The following AP2A2 variants were observed in gnomAD, a reference collection of about 807,000 sequenced individuals.
AP2A2 encodes AP-2 complex subunit alpha-2.
A neutral mutation model predicts 104.2 loss-of-function variants in AP2A2; 32 were observed. The observed-to-expected ratio is 0.31, with a 90% CI of 0.23 to 0.41. The LOEUF is 0.41. AP2A2 is among the 10% of genes least tolerant of loss of function. The pLI is 1.00. For missense variants in AP2A2, 912 were observed against 1,261.0 expected, an observed-to-expected ratio of 0.72 and a Z score of 4.19; for synonymous variants, 539 against 533.3, an observed-to-expected ratio of 1.01 and a Z score of -0.15.
At chr11:954,725 G>GTA (rs1013534728) in intron 1 of AP2A2, among the ~76,000 whole-genome samples, 4 of 151,544 alleles carry the variant, frequency 2.6e-5, no homozygotes, top group African/African-American at 9.7e-5. Flanking sequence ...TGTATTTGGT[G>GTA]TGTGTGTGTG....
intron 5 of AP2A2, among the ~76,000 whole-genome samples, chr11:979,099 C>G (rs1855152894): frequency 6.6e-6 from 1 of 151,904 alleles, no homozygotes; most frequent in African/African-American, 2.4e-5. Context: ...CCAGCTGCCA[C>G]CACAGGGGTG....
intron 16 of AP2A2, among the ~76,000 whole-genome samples, chr11:1,005,008 TG>T (rs1282601578): frequency 6.6e-6 from 1 of 152,156 alleles, no homozygotes; most frequent in Non-Finnish European, 1.5e-5. Context: ...AATTGAAAGC[TG>T]GGTCTTAAAG....
intron 2 of AP2A2, among the ~76,000 whole-genome samples, chr11:969,359 A>C (rs2134615086): frequency 6.7e-6 from 1 of 150,078 alleles, no homozygotes; most frequent in South Asian, 2.1e-4. Flanking sequence ...CCTCCCGAGT[A>C]GCTGGGATTA....
rs115017756 is a variant in AP2A2 at position 991,638 on chromosome 11, A to G, written c.1270-865A>G. Among the ~76,000 whole-genome samples the G allele has an allele frequency of 7.7e-3, 1,130 of 146,644 alleles. 14 individuals are homozygous for G. Among genetic ancestry groups the G allele is most frequent in the African/African-American group, 0.026 (1,030 of 39,948 alleles). ...GGGCTCAGAGGCAGTACATTTTGGA[A>G]TGATGCCCTGGAAGTGTCACGGAGT... On this transcript the variant is annotated intron_variant, in intron 10 of 21. Coordinates refer to ENST00000448903, the MANE Select transcript of AP2A2 (RefSeq NM_012305.4).
At chr11:966,969 C>T (rs958618208) in intron 2 of AP2A2, among the ~76,000 whole-genome samples, 35 of 152,134 alleles carry the variant, frequency 2.3e-4, no homozygotes, top group African/African-American at 8.2e-4. Context: ...GAGTTTGAGA[C>T]CAGCCTGGCC....
chr11:940,659 A>G (rs764266569), intron 1 of AP2A2: 2 of 364,014 alleles, frequency 5.5e-6, no homozygotes, highest in Non-Finnish European at 1.1e-5. Context: ...CCTTCTGTGC[A>G]TTGTCTCATT....
chr11:949,502 A>G (rs986213447), intron 1 of AP2A2, among the ~76,000 whole-genome samples: 1 of 151,870 alleles, frequency 6.6e-6, no homozygotes, highest in African/African-American at 2.4e-5. Context: ...ACAGGCCGGG[A>G]GTGGTGGCTC....
At chr11:965,600 G>T (rs1854587623) in intron 2 of AP2A2, among the ~76,000 whole-genome samples, 1 of 152,248 alleles carries the variant, frequency 6.6e-6, no homozygotes, top group Non-Finnish European at 1.5e-5. Context: ...TGGTAAGGAT[G>T]TGCTTTGGGT....
rs757790459 is a variant in AP2A2, at chr11:959,423, G to A, written c.68-14G>A. ...TCAATTAAAATAAAAATGGCTTTTT[G>A]TTCTTTTTTTTAGGTAAAAGTAAAG... On this transcript the variant is annotated splice_polypyrimidine_tract_variant and intron_variant, in intron 1 of 21. Transcript: ENST00000448903. 1.3e-6 allele frequency: 2 copies of A among 1,496,174 alleles called. No homozygotes were observed. The highest frequency in any genetic ancestry group is 1.8e-6 in the Non-Finnish European group (2 of 1,081,902). 92.7% of individuals were successfully genotyped at this position (1,496,174 alleles called of 1,614,324 possible).
intron 20 of AP2A2, 93 bp from the exon 21 acceptor site, chr11:1,009,590 C>G: frequency 8.7e-7 from 1 of 1,144,810 alleles, no homozygotes; most frequent in Non-Finnish European, 1.2e-6. Context: ...ACGCAGCCCA[C>G]GACCCAGCGC....
At chr11:962,392 C>T (rs188195960) in intron 2 of AP2A2, among the ~76,000 whole-genome samples, 5 of 152,342 alleles carry the variant, frequency 3.3e-5, no homozygotes, top group Non-Finnish European at 5.9e-5. Flanking sequence ...GAAGAATCAT[C>T]TAATGTGTTG....
intron 14 of AP2A2, among the ~76,000 whole-genome samples, chr11:998,557 C>T (rs1855930346): frequency 6.6e-6 from 1 of 152,068 alleles, no homozygotes; most frequent in African/African-American, 2.4e-5. Flanking sequence ...TCCAGTGGAA[C>T]ATTCTAAAGT....
Position 993,467 on chromosome 11 carries a change from C to T in AP2A2, c.1550+86C>T. 1 of 1,129,750 alleles carries T rather than the reference C, an allele frequency of 8.9e-7. No homozygotes were observed. The allele number at this position is 1,129,750 out of a possible 1,614,324, so 70.0% of individuals were successfully genotyped here. A position where few individuals can be genotyped will look rare whatever the true frequency, so the allele number is the denominator to read the frequency against. On this transcript the variant is annotated intron_variant, in intron 12 of 21. Transcript: ENST00000448903. The surrounding 1 kb of genome is among the most constrained non-coding windows in gnomAD (Gnocchi z 8.2). The stretch of plus-strand genomic sequence containing the variant: ...GGCAAGAGGCGAGGCACCAGCTGGC[C>T]CTGCCGTGAGGCCTCGCAGAGCCGC...
chr11:996,516 C>G (rs987966289), intron 14 of AP2A2, among the ~76,000 whole-genome samples: 1 of 152,062 alleles, frequency 6.6e-6, no homozygotes, highest in Non-Finnish European at 1.5e-5. Context: ...GTGCCCATAC[C>G]CCAGGCCTTT....
chr11:965,884 A>G (rs148959106), intron 2 of AP2A2, among the ~76,000 whole-genome samples: 422 of 152,324 alleles, frequency 2.8e-3, no homozygotes, highest in Middle Eastern at 0.01. Flanking sequence ...TCTGTTGCCC[A>G]GGCTGGAGTG....
chr11:978,169 AG>A (rs1262592326), intron 5 of AP2A2, among the ~76,000 whole-genome samples: 1 of 152,128 alleles, frequency 6.6e-6, no homozygotes, highest in Non-Finnish European at 1.5e-5. Flanking sequence ...GTGAGTCGGC[AG>A]GGCCTGGTCA....
chr11:979,377 G>A (rs1225713899), intron 5 of AP2A2, among the ~76,000 whole-genome samples: 1 of 151,818 alleles, frequency 6.6e-6, no homozygotes, highest in African/African-American at 2.4e-5. Flanking sequence ...TTTGCTCACC[G>A]AGAAATACAG....
At chr11:961,955 G>T (rs886897573) in intron 2 of AP2A2, among the ~76,000 whole-genome samples, 3 of 151,360 alleles carry the variant, frequency 2.0e-5, no homozygotes, top group African/African-American at 7.3e-5. Flanking sequence ...GGCAGAAGCA[G>T]ATGGAGATGT....
At chr11:1,008,953 TC>T in intron 18 of AP2A2, 146 bp from the exon 19 acceptor site, 1 of 641,156 alleles carries the variant, frequency 1.6e-6, no homozygotes, top group South Asian at 1.9e-5. Flanking sequence ...CCACACACGA[TC>T]CGTGGGGACT....
Sources: allele counts gnomAD v4.1 joint callset (sites outside exome capture counted in the v4.1 genomes callset), GRCh38; gene constraint gnomAD v4.1.1; non-coding constraint Gnocchi (gnomAD v3.1); transcripts MANE v1.5; gene names NCBI Gene and HGNC (gene_info 2026-07-23, HGNC 2026-07-21).